The following CMIP variants were observed in gnomAD, a reference collection of about 807,000 sequenced individuals.
The protein encoded by CMIP is C-Maf-inducing protein.
Under a neutral mutation model 97.3 loss-of-function variants are expected in CMIP, and 13 were observed. The observed-to-expected ratio is 0.13, with a 90% CI of 0.09 to 0.21. CMIP has a LOEUF of 0.21. CMIP is among the 10% of genes least tolerant of loss of function. The pLI is 1.00. For synonymous variants in CMIP, 538 were observed against 436.3 expected, an observed-to-expected ratio of 1.23 and a Z score of -2.91; for missense variants, 847 against 1,024.9, an observed-to-expected ratio of 0.83 and a Z score of 2.37.
chr16:81,623,624 T>C (rs1208289692), intron 3 of CMIP, among the ~76,000 whole-genome samples: 4 of 152,232 alleles, frequency 2.6e-5, no homozygotes, highest in Non-Finnish European at 5.9e-5. Flanking sequence ...TGGCTCTTTG[T>C]ACCCAGTTTT....
chr16:81,522,922 A>G (rs576551643), intron 1 of CMIP, among the ~76,000 whole-genome samples: 191 of 152,106 alleles, frequency 1.3e-3, no homozygotes, highest in African/African-American at 4.2e-3. Flanking sequence ...ATTTCTTTGT[A>G]TATGGTTTTT....
intron 1 of CMIP, among the ~76,000 whole-genome samples, chr16:81,563,965 C>T (rs1461658147): frequency 6.6e-6 from 1 of 152,230 alleles, no homozygotes; most frequent in Non-Finnish European, 1.5e-5. Flanking sequence ...TTTCAGGGCC[C>T]GTCTTCCTGG....
intron 1 of CMIP, chr16:81,495,488 T>C (rs770562408): frequency 6.8e-6 from 11 of 1,613,226 alleles, no homozygotes; most frequent in Non-Finnish European, 9.3e-6. Flanking sequence ...TGGGACAGGC[T>C]GCTGAGGTAC....
rs552748525 is a variant in CMIP at position 81,457,948 on chromosome 16, CT to C, written c.300+12408del. ...CTACCTTTGATCCCTCCCGACTGAC[CT>C]CCCCCTCGCTGTCCCTGCCTTCGCC... On this transcript the variant is annotated intron_variant, in intron 1 of 20. Transcript: ENST00000537098. Among the ~76,000 whole-genome samples the C allele has an allele frequency of 4.7e-3, 712 of 152,350 alleles. 7 individuals are homozygous for C. Among genetic ancestry groups the C allele is most frequent in the African/African-American group, 0.016 (670 of 41,586 alleles).
chr16:81,658,072 T>A (rs566934821), intron 5 of CMIP, among the ~76,000 whole-genome samples: 1 of 152,340 alleles, frequency 6.6e-6, no homozygotes, highest in South Asian at 2.1e-4. Flanking sequence ...TCCTCCTTCC[T>A]GCGTCTCTGC....
In CMIP at chr16:81,664,585, G is replaced by T. The variant is rs550418622; in HGVS notation, c.825+236G>T. ...TCCTAAGAATTACAAAAATACCGCA[G>T]CTGGAGGAGAAGAGGAAAGCCTCCC... On this transcript the variant is annotated intron_variant, in intron 7 of 20. Transcript: ENST00000537098. The T allele has an allele frequency of 1.6e-3, 937 of 582,170 alleles. 18 individuals are homozygous for T. In the South Asian group the frequency reaches 0.02, roughly 12 times the overall value. The allele number at this position is 582,170 out of a possible 1,614,324, so 36.1% of individuals were successfully genotyped here.
intron 5 of CMIP, among the ~76,000 whole-genome samples, chr16:81,659,756 A>G (rs1191075033): frequency 6.6e-6 from 1 of 152,190 alleles, no homozygotes; most frequent in Admixed American, 6.5e-5. Flanking sequence ...ATGTGGCTGA[A>G]CTGAACCCTT....
At chr16:81,484,088 C>A (rs574520977) in intron 1 of CMIP, among the ~76,000 whole-genome samples, 18 of 152,294 alleles carry the variant, frequency 1.2e-4, no homozygotes, top group Non-Finnish European at 2.2e-4. Flanking sequence ...GGCGGACAAA[C>A]CAGATAGCGT....
intron 1 of CMIP, among the ~76,000 whole-genome samples, chr16:81,446,235 C>T (rs921964609): frequency 6.6e-6 from 1 of 152,008 alleles, no homozygotes; most frequent in Non-Finnish European, 1.5e-5. Context: ...CCTGGTCCGG[C>T]ATTGTCTGTA....
chr16:81,549,015 G>A (rs936822878), intron 1 of CMIP, among the ~76,000 whole-genome samples: 4 of 152,196 alleles, frequency 2.6e-5, no homozygotes, highest in African/African-American at 9.7e-5. Flanking sequence ...TTTGAACCCA[G>A]GTCTGTCTGC....
At chr16:81,448,550 G>A (rs60193157) in intron 1 of CMIP, among the ~76,000 whole-genome samples, 27,272 of 152,104 alleles carry the variant, frequency 0.18, 3,947 homozygotes, top group African/African-American at 0.4. Flanking sequence ...AGCCTCACCC[G>A]CCTGGCCTGC....
In CMIP at chr16:81,477,381, G is replaced by A. The variant is rs112069367; in HGVS notation, c.300+31840G>A. Among the ~76,000 whole-genome samples the A allele has an allele frequency of 7.5e-3, 1,135 of 152,232 alleles. 15 individuals carry two copies. The highest frequency in any genetic ancestry group is 0.026 in the African/African-American group (1,073 of 41,528). ...TCACCATGTTGGCCAGGCTCGTCTC[G>A]AACTCCTGGCCTCAGTTGATCTGCC... On this transcript the variant is annotated intron_variant, in intron 1 of 20. Coordinates refer to ENST00000537098, the MANE Select transcript of CMIP (RefSeq NM_198390.3).
chr16:81,653,339 C>T (rs556470730), intron 4 of CMIP, among the ~76,000 whole-genome samples: 53 of 152,306 alleles, frequency 3.5e-4, no homozygotes, highest in African/African-American at 1.2e-3. Flanking sequence ...GGCCGCTGCC[C>T]GTGGGACGGG....
At chr16:81,579,662 C>G (rs1350885798) in intron 1 of CMIP, among the ~76,000 whole-genome samples, 2 of 152,170 alleles carry the variant, frequency 1.3e-5, no homozygotes, top group Non-Finnish European at 1.5e-5. Context: ...TGTCACCTGC[C>G]TTCTGTTTTA....
chr16:81,505,145 G>A (rs546827102), intron 1 of CMIP, among the ~76,000 whole-genome samples: 3 of 152,350 alleles, frequency 2.0e-5, no homozygotes, highest in East Asian at 1.9e-4. Context: ...GTCTCAACAT[G>A]TGCTTCTGCT....
At chr16:81,662,507 T>C (rs1251751156) in intron 6 of CMIP, among the ~76,000 whole-genome samples, 1 of 152,270 alleles carries the variant, frequency 6.6e-6, no homozygotes, top group Non-Finnish European at 1.5e-5. Flanking sequence ...TGTGGGATGC[T>C]TCTTTGGCTA....
intron 1 of CMIP, among the ~76,000 whole-genome samples, chr16:81,540,034 G>A (rs2090419490): frequency 6.6e-6 from 1 of 152,176 alleles, no homozygotes; most frequent in African/African-American, 2.4e-5. Context: ...GAACGAAGCC[G>A]AAAGTAGTTC....
intron 3 of CMIP, among the ~76,000 whole-genome samples, chr16:81,626,476 G>GGGGTGAC (rs2092066296): frequency 6.8e-6 from 1 of 147,972 alleles, no homozygotes; most frequent in East Asian, 2.1e-4. Flanking sequence ...TGTGGCATGT[G>GGGGTGAC]GGGTGACTTT....
In CMIP at chr16:81,524,924, T is replaced by A. The variant is rs181060694; in HGVS notation, c.300+79383T>A. On this transcript the variant is annotated intron_variant, in intron 1 of 20. Transcript: ENST00000537098. ...TCCTCCTGCCTCAGCCTCCTCTTAG[T>A]AGCTAGGACTACAGGCACATGACAT... Among the ~76,000 whole-genome samples the A allele has an allele frequency of 4.6e-3, 700 of 151,662 alleles. 7 individuals are homozygous for A. The highest frequency in any genetic ancestry group is 0.016 in the African/African-American group (654 of 41,326).
Sources: gnomAD v4.1 joint callset for allele counts (sites outside exome capture counted in the v4.1 genomes callset) on GRCh38, gnomAD v4.1.1 for gene constraint, MANE v1.5 for transcripts, NCBI Gene and HGNC (gene_info 2026-07-23, HGNC 2026-07-21) for gene names.